SLC6A5: variants seen among roughly 807,000 people sequenced by gnomAD.
SLC6A5 encodes the protein solute carrier family 6 member 5.
SLC6A5 carries 58 observed loss-of-function variants against 90.5 expected under a neutral mutation model. That is an observed-to-expected ratio of 0.64 (90% CI 0.52 to 0.80). The LOEUF is 0.80. SLC6A5 is among the 30% of genes least tolerant of loss of function. The pLI is 0.00. For missense variants in SLC6A5, 1,015 were observed against 1,017.6 expected (o/e 1.00, Z 0.03); for synonymous variants, 427 against 401.4 (o/e 1.06, Z -0.76).
rs754013263 is a variant in SLC6A5 at position 20,638,604 on chromosome 11, G to T, written c.1969+46G>T. 3.6e-6 allele frequency: 4 copies of T among 1,107,858 alleles called. No homozygotes were observed. The East Asian group carries it at 9.4e-5, about 26-fold the overall frequency. 68.6% of individuals were successfully genotyped at this position (1,107,858 alleles called of 1,614,324 possible). A position where few individuals can be genotyped will look rare whatever the true frequency, so the allele number is the denominator to read the frequency against. The stretch of plus-strand genomic sequence containing the variant: ...GTTGCTGAAGTAGAGCTTGAGTGTC[G>T]GTAAGGCATTCATGGCAAGCAGATT... On this transcript the variant is annotated intron_variant, in intron 13 of 15. Coordinates refer to ENST00000525748, the MANE Select transcript of SLC6A5 (RefSeq NM_004211.5).
rs755306577 is a variant in SLC6A5, at chr11:20,630,776, A to G, written c.1585A>G (p.Asn529Asp). Residue 529 changes from asparagine to aspartate, a missense_variant, in exon 10 of 16, where the codon AAT becomes GAT. Asn to Asp is a conservative substitution (Grantham distance 23). Around this residue, in one of 3 missense-constraint regions of SLC6A5, gnomAD observed 442 missense variants for 494.3 expected, o/e 0.89. Coordinates refer to ENST00000525748, the MANE Select transcript of SLC6A5 (RefSeq NM_004211.5). ...VIFSVIGFMA[N>D]ERKVNIENVA... is the part of the protein sequence containing the mutation. ...CTTCTCCGTTATCGGCTTCATGGCC[A>G]ATGAACGCAAAGTCAACATTGAGAA... 6.8e-6 allele frequency: 11 copies of G among 1,614,190 alleles called. No homozygotes were observed. The highest frequency in any genetic ancestry group is 9.3e-6 in the Non-Finnish European group (11 of 1,180,016).
At chr11:20,634,490 A>C (rs1853166055) in intron 10 of SLC6A5, among the ~76,000 whole-genome samples, 2 of 152,222 alleles carry the variant, frequency 1.3e-5, no homozygotes, top group Non-Finnish European at 2.9e-5. Flanking sequence ...GAATCCTGTT[A>C]AAGTGAGCAG....
chr11:20,617,741 C>G lies in SLC6A5; in HGVS notation c.1128-11C>G, dbSNP rs771874539. On this transcript the variant is annotated splice_polypyrimidine_tract_variant and intron_variant, in intron 6 of 15. Transcript: ENST00000525748. ...TCTATCACTCCCCCCATCCCTCCCT[C>G]CAACTCTCAGGTACTTTGTGCTGAA... 1 of 1,613,442 alleles carries G rather than the reference C, an allele frequency of 6.2e-7. No homozygotes were observed. Among genetic ancestry groups the G allele is most frequent in the South Asian group, 1.1e-5 (1 of 91,058 alleles).
intron 14 of SLC6A5, among the ~76,000 whole-genome samples, chr11:20,647,694 T>C (rs909832109): frequency 5.9e-5 from 9 of 152,092 alleles, no homozygotes; most frequent in Non-Finnish European, 1.3e-4. Context: ...ATCTCCACTT[T>C]ACAGATGAGG....
Position 20,601,205 on chromosome 11 carries a change from A to G in SLC6A5, c.80A>G (p.Asp27Gly). Residue 27 changes from aspartate (D) to glycine (G), a missense_variant, in exon 2 of 16, where the codon GAT (aspartate) becomes GGT (glycine). Physicochemically the swap from Asp to Gly is moderately conservative, Grantham distance 94. Transcript: ENST00000525748. The part of the protein sequence containing the change: ...PEAAAAQGHP[D>G]GPCAPRTSPE... The stretch of plus-strand genomic sequence containing the variant: ...GCGGCGGCGGCGCAGGGCCACCCGG[A>G]TGGCCCATGCGCTCCCAGGACGAGC... 1 of 1,581,232 alleles carries G rather than the reference A, an allele frequency of 6.3e-7. No homozygotes were observed. The highest frequency in any genetic ancestry group is 8.5e-7 in the Non-Finnish European group (1 of 1,171,596).
At chr11:20,648,162 A>C (rs998227044) in intron 14 of SLC6A5, among the ~76,000 whole-genome samples, 2 of 152,166 alleles carry the variant, frequency 1.3e-5, no homozygotes, top group African/African-American at 4.8e-5. Flanking sequence ...TTCCCACAGA[A>C]TCCAGTAGGT....
intron 13 of SLC6A5, among the ~76,000 whole-genome samples, chr11:20,643,881 C>T (rs1853360392): frequency 6.6e-6 from 1 of 152,142 alleles, no homozygotes; most frequent in Admixed American, 6.5e-5. Context: ...GGGTGGCTGA[C>T]ATTCTCAGTC....
intron 14 of SLC6A5, among the ~76,000 whole-genome samples, chr11:20,650,687 G>GAC (rs1853510167): frequency 9.7e-6 from 1 of 102,880 alleles, no homozygotes; most frequent in Non-Finnish European, 1.8e-5. Context: ...TTTTTTTTGA[G>GAC]ATGGAGTCTC....
At chr11:20,625,599 C>A (rs994570995) in intron 7 of SLC6A5, among the ~76,000 whole-genome samples, 1 of 152,184 alleles carries the variant, frequency 6.6e-6, no homozygotes, top group African/African-American at 2.4e-5. Flanking sequence ...TCCCTCTTTT[C>A]CAGCATCCAG....
At chr11:20,614,429 G>C (rs1852747485) in intron 5 of SLC6A5, among the ~76,000 whole-genome samples, 1 of 152,218 alleles carries the variant, frequency 6.6e-6, no homozygotes, top group Non-Finnish European at 1.5e-5. Flanking sequence ...ACCACATAGA[G>C]AGTGTTCTGT....
intron 5 of SLC6A5, among the ~76,000 whole-genome samples, chr11:20,611,062 A>G (rs1271776163): frequency 2.6e-5 from 4 of 152,222 alleles, no homozygotes; most frequent in Non-Finnish European, 5.9e-5. Context: ...CATTGTTCCT[A>G]TAGATGAGAT....
chr11:20,609,435 G>T (rs1852653735), intron 5 of SLC6A5, among the ~76,000 whole-genome samples: 1 of 152,174 alleles, frequency 6.6e-6, no homozygotes, highest in South Asian at 2.1e-4. Flanking sequence ...TGGTCCTTTG[G>T]AATTCTGGGG....
At chr11:20,648,648 G>A (rs1434348882) in intron 14 of SLC6A5, among the ~76,000 whole-genome samples, 1 of 152,160 alleles carries the variant, frequency 6.6e-6, no homozygotes, top group Non-Finnish European at 1.5e-5. Context: ...CATCTCTACT[G>A]CACTTGCCCT....
intron 5 of SLC6A5, 115 bp downstream of exon 5, chr11:20,607,767 A>T: frequency 1.3e-6 from 1 of 789,978 alleles, no homozygotes; most frequent in South Asian, 1.5e-5. Context: ...CTGGGAACAC[A>T]GAGATTACAT....
In SLC6A5 at chr11:20,628,080, A is replaced by G. The variant is rs7944684; in HGVS notation, c.1496A>G (p.Tyr499Cys). The change falls in exon 9 of 16, where the codon TAC (tyrosine) becomes TGC (cysteine). Residue 499 changes from tyrosine (Y) to cysteine (C), a missense_variant. Physicochemically the swap from Tyr to Cys is radical, Grantham distance 194. Transcript: ENST00000525748. ...SSYNKFHNNC[Y>C]RDTLIVTCTN... ...TACAACAAATTCCACAACAACTGCT[A>G]CAGGTATGTAGAGGTACTACAAGAT... is the stretch of plus-strand genomic sequence containing the variant. 6.2e-7 allele frequency: 1 copy of G among 1,611,522 alleles called. No homozygotes were observed.
rs891218526 is a variant in SLC6A5 at position 20,628,192 on chromosome 11, G to A, written c.1499+109G>A. On this transcript the variant is annotated intron_variant, in intron 9 of 15. Transcript: ENST00000525748. ...ATCCTCACATTTCATCTTAGGGAGA[G>A]CTAAAGATTTGCCTCTGGCCTAGGA... 31 of 968,232 alleles carry A rather than the reference G, an allele frequency of 3.2e-5. No individual in the cohort carries two copies. In the African/African-American group the frequency reaches 4.6e-4, roughly 14 times the overall value. The allele number at this position is 968,232 out of a possible 1,614,324, so 60.0% of individuals were successfully genotyped here. A position where few individuals can be genotyped will look rare whatever the true frequency, so the allele number is the denominator to read the frequency against.
At chr11:20,612,108 C>G (rs1852705155) in intron 5 of SLC6A5, among the ~76,000 whole-genome samples, 1 of 152,126 alleles carries the variant, frequency 6.6e-6, no homozygotes, top group African/African-American at 2.4e-5. Context: ...GGAAGGGATT[C>G]TTATTATTGT....
At chr11:20,613,471 T>G (rs1230949199) in intron 5 of SLC6A5, among the ~76,000 whole-genome samples, 1 of 152,230 alleles carries the variant, frequency 6.6e-6, no homozygotes, top group South Asian at 2.1e-4. Flanking sequence ...TTCTTCCTAT[T>G]TAAAATGACA....
In SLC6A5 at chr11:20,652,332, A is replaced by T. The variant is rs143918578; in HGVS notation, c.2114A>T (p.Tyr705Phe). 2 of 1,614,032 alleles carry T rather than the reference A, an allele frequency of 1.2e-6. No individual in the cohort carries two copies. The highest frequency in any genetic ancestry group is 2.7e-5 in the African/African-American group (2 of 74,990). ...TTTTACCAGTGGGAGCCCATGACCT[A>T]TGGCTCTTACCGCTATCCTAACTGG... ...FSFYQWEPMTYGSYRYPNWSM... is the reference protein window; with the variant it reads ...FSFYQWEPMTFGSYRYPNWSM... Residue 705 changes from tyrosine to phenylalanine, a missense_variant, in exon 15 of 16, where the codon TAT (tyrosine) becomes TTT (phenylalanine). Around this residue, in one of 3 missense-constraint regions of SLC6A5, gnomAD observed 442 missense variants for 494.3 expected, o/e 0.89. Coordinates refer to ENST00000525748, the MANE Select transcript of SLC6A5 (RefSeq NM_004211.5).
Sources: allele counts gnomAD v4.1 joint callset (sites outside exome capture counted in the v4.1 genomes callset), GRCh38; gene constraint gnomAD v4.1.1; regional missense constraint gnomAD v4.1.1; transcripts MANE v1.5; gene names NCBI Gene and HGNC (gene_info 2026-07-23, HGNC 2026-07-21).